The following WDR37 variants were observed in gnomAD, a reference collection of about 807,000 sequenced individuals.
WDR37 encodes WD repeat domain 37.
A neutral mutation model predicts 62.9 loss-of-function variants in WDR37; 19 were observed. The ratio of observed to expected loss-of-function variants is 0.30; its 90% CI spans 0.21 to 0.44. The LOEUF is 0.44. Among genes scored for constraint, WDR37 ranks in the 20% least tolerant of loss-of-function variants. The pLI is 1.00. For missense variants in WDR37, 474 were observed against 657.6 expected (o/e 0.72, Z 3.05); for synonymous variants, 250 against 260.9 (o/e 0.96, Z 0.40).
At chr10:1,078,907 A>G (rs1564499951) in intron 3 of WDR37, among the ~76,000 whole-genome samples, 3 of 152,230 alleles carry the variant, frequency 2.0e-5, no homozygotes, top group South Asian at 2.1e-4. Flanking sequence ...AACAAAGAGC[A>G]TTTCCATTGT....
intron 3 of WDR37, among the ~76,000 whole-genome samples, chr10:1,079,780 C>T (rs1035785051): frequency 4.6e-5 from 7 of 152,164 alleles, no homozygotes; most frequent in African/African-American, 1.7e-4. Context: ...CTGCCTTGGC[C>T]TCCCAAAGTG....
intron 11 of WDR37, among the ~76,000 whole-genome samples, chr10:1,122,287 A>G (rs964479004): frequency 1.5e-4 from 23 of 152,178 alleles, no homozygotes; most frequent in Admixed American, 1.1e-3. Context: ...GTGGAAATTC[A>G]CATGCTTATC....
rs1247054819 is a variant in WDR37, at chr10:1,092,994, G to A, written c.605-458G>A. 2.6e-5 allele frequency among the ~76,000 whole-genome samples: 4 copies of A among 152,068 alleles called. No individual in the cohort carries two copies. In the South Asian group the frequency reaches 8.3e-4, roughly 32 times the overall value. On this transcript the variant is annotated intron_variant, in intron 7 of 13. Coordinates refer to ENST00000263150, the MANE Select transcript of WDR37 (RefSeq NM_014023.4). ...GATTCATTCTCTGAGGCTGGCAGAG[G>A]TTATACTCTCTGGGGTCCTGGCGTC...
intron 1 of WDR37, among the ~76,000 whole-genome samples, chr10:1,058,183 C>T (rs892062952): frequency 7.3e-6 from 1 of 137,896 alleles, no homozygotes; most frequent in Non-Finnish European, 1.6e-5. Flanking sequence ...AGAGTAGGGA[C>T]TCGTGTGCAC....
chr10:1,129,518 G>T lies in WDR37; in HGVS notation c.*174G>T. 1 of 1,053,872 alleles carries T rather than the reference G, an allele frequency of 9.5e-7. No individual in the cohort carries two copies. The highest frequency in any genetic ancestry group is 1.8e-5 in the South Asian group (1 of 56,266). The allele number at this position is 1,053,872 out of a possible 1,614,324, so 65.3% of individuals were successfully genotyped here. On this transcript the variant is annotated 3_prime_UTR_variant, in exon 14 of 14. Transcript: ENST00000263150. ...CATGAAATGTACAGAGAAATGTGTG[G>T]TCGTATTTTTTACTTTTGTCTTGTA... is the stretch of plus-strand genomic sequence containing the variant.
At chr10:1,089,658 C>A (rs1271584947) in intron 7 of WDR37, among the ~76,000 whole-genome samples, 5 of 30,066 alleles carry the variant, frequency 1.7e-4, no homozygotes, top group Non-Finnish European at 3.7e-4. Flanking sequence ...CCCGTGCTCA[C>A]CCGCAGTTCG....
In WDR37 at chr10:1,056,632, G is replaced by C. The variant is rs1415733186; in HGVS notation, c.-377G>C. 6.6e-6 allele frequency: 1 copy of C among 152,268 alleles called. No individual in the cohort carries two copies. The highest frequency in any genetic ancestry group is 2.4e-5 in the African/African-American group (1 of 41,466). 9.4% of individuals were successfully genotyped at this position (152,268 alleles called of 1,614,324 possible). A position where few individuals can be genotyped will look rare whatever the true frequency, so the allele number is the denominator to read the frequency against. On this transcript the variant is annotated 5_prime_UTR_variant, in exon 1 of 14. Coordinates refer to ENST00000263150, the MANE Select transcript of WDR37 (RefSeq NM_014023.4). ...CGGCGGCAGGAGTACGTGACCAAGG[G>C]TGGGGGCGTTGGCCCAGCAGCCGAA...
intron 7 of WDR37, among the ~76,000 whole-genome samples, chr10:1,092,096 C>G (rs924033092): frequency 2.7e-5 from 4 of 147,642 alleles, no homozygotes; most frequent in Non-Finnish European, 3.0e-5. Flanking sequence ...AGGAGAATGG[C>G]ATGAACCTGG....
intron 11 of WDR37, among the ~76,000 whole-genome samples, chr10:1,120,478 T>G (rs1205899478): frequency 6.6e-6 from 1 of 152,198 alleles, no homozygotes; most frequent in African/African-American, 2.4e-5. Flanking sequence ...GTGTTGTACT[T>G]TTGTATCAGC....
At chr10:1,084,664 A>C (rs1834141797) in intron 6 of WDR37, 126 bp downstream of exon 6, 1 of 1,355,710 alleles carries the variant, frequency 7.4e-7, no homozygotes. Context: ...GAGTCAGTGG[A>C]ACCCCCCACA....
At chr10:1,112,225 T>A (rs1835239804) in intron 11 of WDR37, among the ~76,000 whole-genome samples, 1 of 152,230 alleles carries the variant, frequency 6.6e-6, no homozygotes, top group Non-Finnish European at 1.5e-5. Context: ...CTCACAATAC[T>A]TCTTACTTTT....
At position 1,105,037 on chromosome 10, in the gene WDR37, C is replaced by T. The variant is rs531657011; in HGVS notation, c.962-89C>T. 2.6e-4 allele frequency: 393 copies of T among 1,510,132 alleles called. 1 individual carries two copies. The highest frequency in any genetic ancestry group is 1.6e-3 in the Admixed American group (86 of 53,004). 93.5% of individuals were successfully genotyped at this position (1,510,132 alleles called of 1,614,324 possible). On this transcript the variant is annotated intron_variant, in intron 10 of 13. Transcript: ENST00000263150. The surrounding 1 kb of genome is among the most constrained non-coding windows in gnomAD (Gnocchi z 5.3). ...GGTCAGGTTCACAGTCTCAGAGAGA[C>T]GGCTTCTTGGGTTCTTGTGCTGTTG... is the stretch of plus-strand genomic sequence containing the variant.
At chr10:1,077,501 C>T (rs1480603287) in intron 2 of WDR37, among the ~76,000 whole-genome samples, 2 of 152,096 alleles carry the variant, frequency 1.3e-5, no homozygotes, top group East Asian at 3.9e-4. Context: ...GTGCCTCTTC[C>T]ATGAGGGTCT....
rs1589128145 is a variant in WDR37, at chr10:1,126,405, C to CTAA, written c.1353+1381_1353+1382insTAA. 6.4e-5 allele frequency among the ~76,000 whole-genome samples: 8 copies of CTAA among 125,532 alleles called. No homozygotes were observed. In the East Asian group the frequency reaches 1.9e-3, roughly 29 times the overall value. 82.4% of individuals were successfully genotyped at this position (125,532 alleles called of 152,430 possible). On this transcript the variant is annotated intron_variant, in intron 13 of 13. Coordinates refer to ENST00000263150, the MANE Select transcript of WDR37 (RefSeq NM_014023.4). ...TGGGCGACAGAGCGAGACTGTGTCTCAGAAAAAAAAAAAAGAAACTCCCCG... is the reference window on the plus strand; with the variant it reads ...TGGGCGACAGAGCGAGACTGTGTCTCTAAAGAAAAAAAAAAAAGAAACTCCCCG...
rs1386199913 is a variant in WDR37 at position 1,063,505 on chromosome 10, A to G, written c.-41+6537A>G. On this transcript the variant is annotated intron_variant, in intron 1 of 13. Coordinates refer to ENST00000263150, the MANE Select transcript of WDR37 (RefSeq NM_014023.4). ...ATCAGAGGCTGAGCAGGTACTTCAGATTCCCACTCATGACAAGCTGGGATG... is the reference window on the plus strand; with the variant it reads ...ATCAGAGGCTGAGCAGGTACTTCAGGTTCCCACTCATGACAAGCTGGGATG... Among the ~76,000 whole-genome samples, 11 of 152,302 alleles carry G rather than the reference A, an allele frequency of 7.2e-5. No homozygotes were observed. The East Asian group carries it at 2.1e-3, about 29-fold the overall frequency.
At chr10:1,093,779 G>A (rs947130800) in intron 8 of WDR37, among the ~76,000 whole-genome samples, 2 of 152,154 alleles carry the variant, frequency 1.3e-5, no homozygotes, top group Non-Finnish European at 2.9e-5. Flanking sequence ...TGCTCCCCCC[G>A]CAGTTCCTGT....
intron 11 of WDR37, among the ~76,000 whole-genome samples, chr10:1,110,338 G>A (rs1377522030): frequency 6.6e-6 from 1 of 152,168 alleles, no homozygotes; most frequent in African/African-American, 2.4e-5. Flanking sequence ...ACCTTTAGAC[G>A]TGCCTCATAA....
chr10:1,116,517 T>C (rs1330768713), intron 11 of WDR37, among the ~76,000 whole-genome samples: 1 of 152,260 alleles, frequency 6.6e-6, no homozygotes, highest in East Asian at 1.9e-4. Context: ...TCTATCCATG[T>C]TGCTGCATAA....
In WDR37 at chr10:1,121,431, G is replaced by A. The variant is rs988963755; in HGVS notation, c.1104-2787G>A. 2.6e-5 allele frequency among the ~76,000 whole-genome samples: 4 copies of A among 152,118 alleles called. No individual in the cohort carries two copies. The highest frequency in any genetic ancestry group is 7.2e-5 in the African/African-American group (3 of 41,420). Reference sequence around the variant, plus strand: ...AACCTTCTCACTGAAGCGTGGCAGCGTCTGATTTATAGTCAAGCTCTCATG... The same window carrying A: ...AACCTTCTCACTGAAGCGTGGCAGCATCTGATTTATAGTCAAGCTCTCATG... On this transcript the variant is annotated intron_variant, in intron 11 of 13. Coordinates refer to ENST00000263150, the MANE Select transcript of WDR37 (RefSeq NM_014023.4). The surrounding 1 kb of genome is among the most constrained non-coding windows in gnomAD (Gnocchi z 4.5).
Sources: allele counts gnomAD v4.1 joint callset (sites outside exome capture counted in the v4.1 genomes callset), GRCh38; gene constraint gnomAD v4.1.1; non-coding constraint Gnocchi (gnomAD v3.1); transcripts MANE v1.5; gene names NCBI Gene and HGNC (gene_info 2026-07-23, HGNC 2026-07-21).